The following NIPAL2 variants were observed in gnomAD, a reference collection of about 807,000 sequenced individuals.
The protein encoded by NIPAL2 is NIPA-like protein 2.
NIPAL2 carries 43 observed loss-of-function variants against 48.9 expected under a neutral mutation model. The observed-to-expected ratio is 0.88, with a 90% CI of 0.69 to 1.13. The LOEUF (loss-of-function observed/expected upper bound fraction) is 1.13, where lower values mean the gene tolerates loss of function less well. NIPAL2 is among the 50% of genes most tolerant of loss of function. The pLI, the probability that NIPAL2 is intolerant of heterozygous loss-of-function variation, is 0.00. For synonymous variants in NIPAL2, 167 were observed against 174.6 expected (o/e 0.96, Z 0.34); for missense variants, 446 against 461.4 (o/e 0.97, Z 0.31).
chr8:98,286,960 A>C (rs534762681), intron 1 of NIPAL2, among the ~76,000 whole-genome samples: 1 of 152,294 alleles, frequency 6.6e-6, no homozygotes, highest in South Asian at 2.1e-4. Context: ...GTCAGGCCTC[A>C]TGCAATTAGG....
At chr8:98,289,733 A>G (rs1481308770) in intron 1 of NIPAL2, among the ~76,000 whole-genome samples, 1 of 152,186 alleles carries the variant, frequency 6.6e-6, no homozygotes, top group African/African-American at 2.4e-5. Context: ...AGGGAACAAA[A>G]TCAAGTATAA....
chr8:98,248,942 G>A (rs1294335828), intron 3 of NIPAL2, among the ~76,000 whole-genome samples: 3 of 152,174 alleles, frequency 2.0e-5, no homozygotes, highest in Non-Finnish European at 2.9e-5. Flanking sequence ...CCATTGTGCC[G>A]TCTTCACAGT....
At chr8:98,193,407 T>A in intron 10 of NIPAL2, 1 of 1,614,064 alleles carries the variant, frequency 6.2e-7, no homozygotes, top group Non-Finnish European at 8.5e-7. Flanking sequence ...CTCTCTGGGG[T>A]TGTGTCTTCT....
intron 3 of NIPAL2, among the ~76,000 whole-genome samples, chr8:98,244,749 C>T (rs1266758146): frequency 1.3e-5 from 2 of 152,056 alleles, no homozygotes; most frequent in African/African-American, 4.8e-5. Context: ...AAATCTGATT[C>T]TTTAGCCAAA....
chr8:98,250,265 GA>G (rs1302126263), intron 3 of NIPAL2, among the ~76,000 whole-genome samples: 65 of 152,192 alleles, frequency 4.3e-4, no homozygotes, highest in African/African-American at 1.5e-3. Context: ...AAATGATACA[GA>G]AAAAAAGTTA....
intron 8 of NIPAL2, 22 bp from the exon 9 acceptor site, chr8:98,196,027 C>T: frequency 2.7e-6 from 4 of 1,454,846 alleles, no homozygotes; most frequent in African/African-American, 1.4e-5. Flanking sequence ...GAAAAGAAGA[C>T]AAAATTGATT....
intron 3 of NIPAL2, among the ~76,000 whole-genome samples, chr8:98,244,677 C>T (rs1008124428): frequency 6.6e-6 from 1 of 151,818 alleles, no homozygotes; most frequent in South Asian, 2.1e-4. Context: ...GTGAACTATT[C>T]AAGATCAGTG....
chr8:98,194,549 G>A (rs1271704715), intron 10 of NIPAL2, among the ~76,000 whole-genome samples, 179 bp downstream of exon 10: 1 of 152,108 alleles, frequency 6.6e-6, no homozygotes, highest in Non-Finnish European at 1.5e-5. Context: ...GTGCAAAACT[G>A]ACATTCAATA....
intron 1 of NIPAL2, among the ~76,000 whole-genome samples, chr8:98,292,921 T>C (rs750833461): frequency 6.6e-6 from 1 of 152,114 alleles, no homozygotes; most frequent in Non-Finnish European, 1.5e-5. Flanking sequence ...AGGCTCTGAG[T>C]ACCCTCATTT....
At chr8:98,229,805 T>A (rs970236243) in intron 4 of NIPAL2, among the ~76,000 whole-genome samples, 1 of 152,224 alleles carries the variant, frequency 6.6e-6, no homozygotes, top group African/African-American at 2.4e-5. Flanking sequence ...ATAATAGTAA[T>A]AACTAATACT....
At chr8:98,236,788 G>C (rs1460936128) in intron 3 of NIPAL2, among the ~76,000 whole-genome samples, 1 of 147,158 alleles carries the variant, frequency 6.8e-6, no homozygotes, top group Non-Finnish European at 1.5e-5. Context: ...GGAGGTTGAG[G>C]CTGCAGTGAG....
chr8:98,195,765 C>A, intron 9 of NIPAL2, 177 bp downstream of exon 9: 1 of 493,832 alleles, frequency 2.0e-6, no homozygotes, highest in South Asian at 2.1e-5. Flanking sequence ...GTCACAAAGC[C>A]AAAGACGCTG....
rs186542573 is a variant in NIPAL2 at position 98,254,185 on chromosome 8, G to A, written c.136-98C>T. 6.1e-4 allele frequency: 558 copies of A among 922,140 alleles called. 1 individual carries two copies. In the African/African-American group the frequency reaches 8.3e-3, roughly 14 times the overall value. 57.1% of individuals were successfully genotyped at this position (922,140 alleles called of 1,614,324 possible). A position where few individuals can be genotyped will look rare whatever the true frequency, so the allele number is the denominator to read the frequency against. On this transcript the variant is annotated intron_variant, in intron 1 of 10. Transcript: ENST00000430223. ...GTTCATTCATTTGTTCAGTAATTCA[G>A]CTTTAGCCTAGCACCCATTTCCCAG...
chr8:98,211,195 T>C (rs572763854), intron 6 of NIPAL2, among the ~76,000 whole-genome samples: 2 of 152,362 alleles, frequency 1.3e-5, no homozygotes, highest in South Asian at 2.1e-4. Context: ...TTCTTTTTTT[T>C]ACTAGGTAAA....
intron 1 of NIPAL2, among the ~76,000 whole-genome samples, chr8:98,277,461 TG>T (rs943764490): frequency 9.2e-5 from 14 of 152,150 alleles, no homozygotes; most frequent in African/African-American, 3.4e-4. Context: ...CGCTTGAACC[TG>T]GGAAGCAGAG....
intron 9 of NIPAL2, 144 bp from the exon 10 acceptor site, chr8:98,194,966 G>C: frequency 4.4e-6 from 2 of 459,066 alleles, no homozygotes; most frequent in Non-Finnish European, 7.7e-6. Context: ...CCTAGTACTT[G>C]TCTTAATTAG....
intron 1 of NIPAL2, among the ~76,000 whole-genome samples, chr8:98,271,691 C>G (rs1815137192): frequency 6.6e-6 from 1 of 152,076 alleles, no homozygotes; most frequent in Non-Finnish European, 1.5e-5. Context: ...TTATTTCTTT[C>G]TCTTGCCTGA....
intron 6 of NIPAL2, among the ~76,000 whole-genome samples, chr8:98,205,637 T>C (rs1163170831): frequency 1.3e-5 from 2 of 152,000 alleles, no homozygotes; most frequent in East Asian, 3.9e-4. Context: ...AATGAGAAAA[T>C]AACTATTAAA....
At chr8:98,293,892 G>A in intron 1 of NIPAL2, 111 bp downstream of exon 1, 1 of 1,021,128 alleles carries the variant, frequency 9.8e-7, no homozygotes, top group Middle Eastern at 3.4e-4. Context: ...CGGAGAGGCC[G>A]GGTGTCTTCC....
Sources: gnomAD v4.1 joint callset for allele counts (sites outside exome capture counted in the v4.1 genomes callset) on GRCh38, gnomAD v4.1.1 for gene constraint, MANE v1.5 for transcripts, NCBI Gene and HGNC (gene_info 2026-07-23, HGNC 2026-07-21) for gene names.